Variants in EIF3J observed in about 807,000 individuals in gnomAD.
EIF3J encodes eukaryotic translation initiation factor 3, subunit 1 (alpha, 35kD).
In EIF3J, 15 loss-of-function variants were observed where a neutral mutation model predicts 39.0. The ratio of observed to expected loss-of-function variants is 0.38; its 90% CI spans 0.26 to 0.59. The LOEUF (loss-of-function observed/expected upper bound fraction) is 0.59. Ranked by LOEUF, EIF3J falls within the 20% of genes least tolerant of loss-of-function variation. The pLI is 0.60. For synonymous variants in EIF3J, 98 were observed against 112.9 expected (o/e 0.87, Z 0.84); for missense variants, 226 against 308.6 (o/e 0.73, Z 2.00).
Position 44,561,298 on chromosome 15 carries a change from G to A in EIF3J, c.*149G>A. 2 of 909,000 alleles carry A rather than the reference G, an allele frequency of 2.2e-6. No individual in the cohort carries two copies. Among genetic ancestry groups the A allele is most frequent in the South Asian group, 2.5e-5 (1 of 40,468 alleles). The allele number at this position is 909,000 out of a possible 1,614,324, so 56.3% of individuals were successfully genotyped here. A position where few individuals can be genotyped will look rare whatever the true frequency, so the allele number is the denominator to read the frequency against. On this transcript the variant is annotated 3_prime_UTR_variant, in exon 8 of 8. Transcript: ENST00000261868. The stretch of plus-strand genomic sequence containing the variant: ...TTATTTAACCCCTTGACACTTAGGT[G>A]CTAATGTGCAAATGAGGGAACTTGG...
chr15:44,544,112 T>TTC (rs398027084), intron 2 of EIF3J, among the ~76,000 whole-genome samples: 3 of 149,686 alleles, frequency 2.0e-5, no homozygotes, highest in Non-Finnish European at 4.5e-5. Context: ...TTTTTTTTTT[T>TTC]AGACGGAGGC....
chr15:44,557,190 A>G (rs1479045456), intron 5 of EIF3J, among the ~76,000 whole-genome samples: 5 of 152,126 alleles, frequency 3.3e-5, no homozygotes, highest in African/African-American at 1.2e-4. Flanking sequence ...GGAGAGTGTG[A>G]TCTCTCCTGG....
At chr15:44,556,729 C>G (rs1198094364) in intron 5 of EIF3J, among the ~76,000 whole-genome samples, 1 of 152,102 alleles carries the variant, frequency 6.6e-6, no homozygotes, top group Non-Finnish European at 1.5e-5. Flanking sequence ...AGGCTTGTCT[C>G]TCGGACTCCT....
chr15:44,559,537 C>G (rs2082173810), intron 6 of EIF3J, among the ~76,000 whole-genome samples: 1 of 144,366 alleles, frequency 6.9e-6, no homozygotes, highest in Admixed American at 7.0e-5. Context: ...GAAACCCCGT[C>G]TCTACTAAAA....
At chr15:44,558,732 G>A (rs187523218) in intron 6 of EIF3J, 228 of 152,200 alleles carry the variant, frequency 1.5e-3, no homozygotes, top group Admixed American at 4.8e-3. Context: ...GAGCCACCAC[G>A]CCCAGCCTAT....
At chr15:44,551,315 A>T in intron 3 of EIF3J, 116 bp from the exon 4 acceptor site, 1 of 690,504 alleles carries the variant, frequency 1.4e-6, no homozygotes, top group Non-Finnish European at 2.4e-6. Context: ...GAGAAAAATC[A>T]CTGTTTGAAG....
At chr15:44,548,638 T>G (rs10152153) in intron 2 of EIF3J, among the ~76,000 whole-genome samples, 1,639 of 152,296 alleles carry the variant, frequency 0.011, 34 homozygotes, top group African/African-American at 0.038. Context: ...GGCTGAGAAG[T>G]CCAGTATCAA....
Position 44,562,141 on chromosome 15 carries a change from T to A in EIF3J, c.*992T>A, listed in dbSNP as rs942896088. 3.3e-5 allele frequency: 5 copies of A among 152,654 alleles called. No individual in the cohort carries two copies. The highest frequency in any genetic ancestry group is 1.2e-4 in the African/African-American group (5 of 41,458). The allele number at this position is 152,654 out of a possible 1,614,324, so 9.5% of individuals were successfully genotyped here. On this transcript the variant is annotated 3_prime_UTR_variant, in exon 8 of 8. Transcript: ENST00000261868. Reference sequence around the variant, plus strand: ...TTTTGAGAGTATAGAACACAGCTCTTGGGAGTACAGTTCTCTACGTTCTCT... The same window carrying A: ...TTTTGAGAGTATAGAACACAGCTCTAGGGAGTACAGTTCTCTACGTTCTCT...
At chr15:44,560,992 A>G in intron 7 of EIF3J, 26 bp from the exon 8 acceptor site, 1 of 1,610,956 alleles carries the variant, frequency 6.2e-7, no homozygotes, top group Non-Finnish European at 8.5e-7. Context: ...ACTAAGGTTC[A>G]TGAATTAACT....
At chr15:44,546,886 G>A (rs1295728831) in intron 2 of EIF3J, among the ~76,000 whole-genome samples, 2 of 130,180 alleles carry the variant, frequency 1.5e-5, no homozygotes, top group African/African-American at 3.0e-5. Flanking sequence ...GCAGTGGCTC[G>A]ATCCTGGCTC....
At position 44,561,010 on chromosome 15, in the gene EIF3J, A is replaced by ATCTT; in HGVS notation, c.646-6_646-3dup. The ATCTT allele has an allele frequency of 6.2e-7, 1 of 1,612,818 alleles. No individual in the cohort carries two copies. Among genetic ancestry groups the ATCTT allele is most frequent in the Non-Finnish European group, 8.5e-7 (1 of 1,179,650 alleles). The stretch of plus-strand genomic sequence containing the variant: ...AAGGTTCATGAATTAACTCTCTTTC[A>ATCTT]TCTTTAGCAAAGCAAAGCCAAAAAG... On this transcript the variant is annotated splice_polypyrimidine_tract_variant and splice_region_variant and intron_variant, in intron 7 of 7. Transcript: ENST00000261868.
chr15:44,562,798 CTG>C lies in EIF3J; in HGVS notation c.*1650_*1651del. On this transcript the variant is annotated 3_prime_UTR_variant, in exon 8 of 8. Coordinates refer to ENST00000261868, the MANE Select transcript of EIF3J (RefSeq NM_003758.4). ...AAATAATAATTAAATTTCTTTGAAACTGGAATCTGCAGGTACAGGTATTCTTT... is the reference window on the plus strand; with the variant it reads ...AAATAATAATTAAATTTCTTTGAAACGAATCTGCAGGTACAGGTATTCTTT... 4.1e-6 allele frequency: 1 copy of C among 246,840 alleles called. No homozygotes were observed. The highest frequency in any genetic ancestry group is 6.9e-5 in the South Asian group (1 of 14,546). 15.3% of individuals were successfully genotyped at this position (246,840 alleles called of 1,614,324 possible).
rs771873931 is a variant in EIF3J at position 44,550,901 on chromosome 15, A to G, written c.173A>G (p.Glu58Gly). The part of the protein sequence containing the change: ...VKDNWDDDDD[E>G]KKEEAEVKPE... ...GATAACTGGGATGACGATGATGATG[A>G]AAAAAAAGAGGAAGCAGAAGTAAAA... The change falls in exon 3 of 8, where the codon GAA (glutamate) becomes GGA (glycine). Residue 58 changes from glutamate to glycine, a missense_variant. By Grantham distance (98) the Glu-to-Gly change is moderately conservative. Transcript: ENST00000261868. The G allele has an allele frequency of 1.6e-5, 26 of 1,603,418 alleles. No homozygotes were observed. Among genetic ancestry groups the G allele is most frequent in the Non-Finnish European group, 2.0e-5 (23 of 1,173,286 alleles).
chr15:44,558,418 C>G (rs904514329), intron 6 of EIF3J, among the ~76,000 whole-genome samples: 8 of 151,610 alleles, frequency 5.3e-5, no homozygotes, highest in Non-Finnish European at 1.2e-4. Context: ...TCCTGGCTAA[C>G]AAGGTGAAGC....
chr15:44,551,099 G>A (rs1329498433), intron 3 of EIF3J, among the ~76,000 whole-genome samples, 169 bp downstream of exon 3: 8 of 152,002 alleles, frequency 5.3e-5, no homozygotes, highest in Non-Finnish European at 8.8e-5. Flanking sequence ...TTTCTCTATC[G>A]CCTCAAAATA....
chr15:44,542,856 A>G (rs2082024017), intron 2 of EIF3J, among the ~76,000 whole-genome samples: 1 of 152,214 alleles, frequency 6.6e-6, no homozygotes, highest in African/African-American at 2.4e-5. Context: ...TGGATATTAT[A>G]GTTGAAAGAT....
chr15:44,561,212 CTTCCT>C lies in EIF3J; in HGVS notation c.*72_*76del. 6.5e-7 allele frequency: 1 copy of C among 1,538,520 alleles called. No individual in the cohort carries two copies. ...ACAATCCCTTGAACATGTAGCACAA[CTTCCT>C]TTCCTTTCAGTTCTGCCAAATGCTA... On this transcript the variant is annotated 3_prime_UTR_variant, in exon 8 of 8. Transcript: ENST00000261868.
rs2082219104 is a variant in EIF3J, at chr15:44,562,786, A to ATTTC, written c.*1641_*1644dup. 4.2e-6 allele frequency: 1 copy of ATTTC among 240,956 alleles called. No homozygotes were observed. The highest frequency in any genetic ancestry group is 2.3e-5 in the African/African-American group (1 of 43,948). The allele number at this position is 240,956 out of a possible 1,614,324, so 14.9% of individuals were successfully genotyped here. ...CCTTAACTGTGTAAATAATAATTAA[A>ATTTC]TTTCTTTGAAACTGGAATCTGCAGG... On this transcript the variant is annotated 3_prime_UTR_variant, in exon 8 of 8. Transcript: ENST00000261868.
intron 6 of EIF3J, among the ~76,000 whole-genome samples, chr15:44,559,638 C>T (rs1166872969): frequency 2.0e-5 from 3 of 150,828 alleles, no homozygotes; most frequent in South Asian, 2.1e-4. Flanking sequence ...ACCCGGGAGG[C>T]GCAGGTTGCA....
Sources: allele counts gnomAD v4.1 joint callset (sites outside exome capture counted in the v4.1 genomes callset), GRCh38; gene constraint gnomAD v4.1.1; transcripts MANE v1.5; gene names NCBI Gene and HGNC (gene_info 2026-07-23, HGNC 2026-07-21).